THSD4: variants seen among roughly 807,000 people sequenced by gnomAD.
THSD4 encodes the protein thrombospondin type-1 domain-containing protein 4.
THSD4 carries 69 observed loss-of-function variants against 119.0 expected under a neutral mutation model. The ratio of observed to expected loss-of-function variants is 0.58; its 90% CI spans 0.48 to 0.71. The LOEUF is 0.71. Among genes scored for constraint, THSD4 ranks in the 30% least tolerant of loss-of-function variants. The probability of loss-of-function intolerance (pLI) is 0.00; values close to 1 mark genes in which losing one functional copy is unlikely to be tolerated. For missense variants in THSD4, 1,393 were observed against 1,391.1 expected, an observed-to-expected ratio of 1.00 and a Z score of -0.02; for synonymous variants, 524 against 540.4, an observed-to-expected ratio of 0.97 and a Z score of 0.42.
intron 8 of THSD4, among the ~76,000 whole-genome samples, chr15:71,723,843 GGATCGCTTGAGCTTAAGAATTCAAGA>G (rs2052768844): frequency 6.6e-6 from 1 of 151,968 alleles, no homozygotes; most frequent in Non-Finnish European, 1.5e-5. Context: ...CAAGGCAGGA[GGATCGCTTGAGCTTAAGAATTCAAGA>G]CCCAGCCTGG....
chr15:71,371,675 T>A (rs998696847), intron 6 of THSD4, among the ~76,000 whole-genome samples: 1 of 152,244 alleles, frequency 6.6e-6, no homozygotes, highest in Non-Finnish European at 1.5e-5. Flanking sequence ...CTTCCCTTTG[T>A]GGGTAAACCG....
chr15:71,444,886 A>G (rs1376418645), intron 7 of THSD4, among the ~76,000 whole-genome samples: 1 of 152,120 alleles, frequency 6.6e-6, no homozygotes, highest in Non-Finnish European at 1.5e-5. Context: ...TAAAATATAA[A>G]TTATTCCCCT....
intron 4 of THSD4, among the ~76,000 whole-genome samples, chr15:71,241,279 TAAGA>T (rs2044150668): frequency 1.3e-5 from 2 of 152,356 alleles, no homozygotes; most frequent in Non-Finnish European, 2.9e-5. Flanking sequence ...TAAAAGTAAG[TAAGA>T]GTTAGTTGAC....
chr15:71,619,865 C>T (rs2050390758), intron 7 of THSD4, among the ~76,000 whole-genome samples: 1 of 152,122 alleles, frequency 6.6e-6, no homozygotes. Context: ...TGATCCTGAC[C>T]AAGGTTTGAC....
chr15:71,453,092 C>G (rs931447540), intron 7 of THSD4, among the ~76,000 whole-genome samples: 1 of 152,202 alleles, frequency 6.6e-6, no homozygotes, highest in African/African-American at 2.4e-5. Flanking sequence ...GAGAGCCTCA[C>G]GAGAGCCCAA....
At chr15:71,532,283 A>AGAGAGAGAGAGAGAGAGTGTGTGTGT (rs1379506089) in intron 7 of THSD4, among the ~76,000 whole-genome samples, 35 of 101,634 alleles carry the variant, frequency 3.4e-4, no homozygotes, top group African/African-American at 9.2e-4. Flanking sequence ...AGAGAGAGAG[A>AGAGAGAGAGAGAGAGAGTGTGTGTGT]GTGTGTGTGT....
At chr15:71,366,959 GCT>G (rs951342132) in intron 6 of THSD4, among the ~76,000 whole-genome samples, 6 of 152,320 alleles carry the variant, frequency 3.9e-5, no homozygotes, top group African/African-American at 1.4e-4. Flanking sequence ...TGCCAGCACA[GCT>G]CTCTCCAAAG....
At chr15:71,448,831 AC>A (rs2047224603) in intron 7 of THSD4, among the ~76,000 whole-genome samples, 2 of 152,178 alleles carry the variant, frequency 1.3e-5, no homozygotes, top group Non-Finnish European at 2.9e-5. Context: ...GATAATATTA[AC>A]TGCCTGGTAG....
At chr15:71,736,234 GCTCT>G (rs1288068958) in intron 10 of THSD4, among the ~76,000 whole-genome samples, 14 of 102,498 alleles carry the variant, frequency 1.4e-4, no homozygotes, top group African/African-American at 3.1e-4. Flanking sequence ...TCTCTCTCTT[GCTCT>G]CTCTCCATCT....
intron 6 of THSD4, among the ~76,000 whole-genome samples, chr15:71,284,587 A>C (rs1288959868): frequency 6.6e-6 from 1 of 152,152 alleles, no homozygotes; most frequent in Non-Finnish European, 1.5e-5. Flanking sequence ...CTTTATTTTG[A>C]CCCATGTAAA....
At chr15:71,547,188 A>G in intron 7 of THSD4, 1 of 1,316,734 alleles carries the variant, frequency 7.6e-7, no homozygotes, top group Non-Finnish European at 9.6e-7. Flanking sequence ...CCCCTCCCCC[A>G]GCCGGGAGAA....
chr15:71,618,820 C>T (rs182335097), intron 7 of THSD4, among the ~76,000 whole-genome samples: 1 of 152,040 alleles, frequency 6.6e-6, no homozygotes, highest in Non-Finnish European at 1.5e-5. Flanking sequence ...CTAAGCGATC[C>T]GCCTGCCTCA....
At chr15:71,306,428 G>A (rs940684609) in intron 6 of THSD4, among the ~76,000 whole-genome samples, 3 of 150,122 alleles carry the variant, frequency 2.0e-5, no homozygotes, top group African/African-American at 4.9e-5. Context: ...CATAATAACA[G>A]AGGTCACACC....
chr15:71,703,592 A>C (rs1300477987), intron 8 of THSD4, among the ~76,000 whole-genome samples: 1 of 152,066 alleles, frequency 6.6e-6, no homozygotes, highest in Admixed American at 6.6e-5. Context: ...GACAGGTCTT[A>C]CATAGCACTG....
intron 3 of THSD4, among the ~76,000 whole-genome samples, chr15:71,196,000 C>A (rs762927648): frequency 2.0e-5 from 3 of 152,124 alleles, no homozygotes; most frequent in Non-Finnish European, 4.4e-5. Context: ...AGGACAGAAA[C>A]TTATTTCTTA....
intron 6 of THSD4, among the ~76,000 whole-genome samples, chr15:71,390,985 C>T (rs1396120021): frequency 2.7e-5 from 4 of 150,494 alleles, no homozygotes; most frequent in African/African-American, 7.3e-5. Flanking sequence ...CTCAGCCACC[C>T]GAGTAGCTGA....
At chr15:71,488,000 C>G (rs1429355708) in intron 7 of THSD4, among the ~76,000 whole-genome samples, 2 of 152,012 alleles carry the variant, frequency 1.3e-5, no homozygotes, top group African/African-American at 4.8e-5. Context: ...TTTACACATA[C>G]TTTCTTTTTT....
At chr15:71,748,633 C>T in intron 14 of THSD4, 39 bp downstream of exon 14, 3 of 1,605,718 alleles carry the variant, frequency 1.9e-6, no homozygotes, top group Non-Finnish European at 2.6e-6. Context: ...GGACCGAGGT[C>T]TGCCAGGTGC....
intron 8 of THSD4, among the ~76,000 whole-genome samples, chr15:71,671,882 C>T (rs1256925637): frequency 6.6e-6 from 1 of 152,214 alleles, no homozygotes; most frequent in Non-Finnish European, 1.5e-5. Flanking sequence ...GTTTTGGTTA[C>T]TGTAGCCTTG....
Sources: allele counts gnomAD v4.1 joint callset (sites outside exome capture counted in the v4.1 genomes callset), GRCh38; gene constraint gnomAD v4.1.1; transcripts MANE v1.5; gene names NCBI Gene and HGNC (gene_info 2026-07-23, HGNC 2026-07-21).